ARHGAP10: variants seen among roughly 807,000 people sequenced by gnomAD.
ARHGAP10 encodes Rho GTPase activating protein 10, also known as rho GTPase-activating protein 10.
ARHGAP10 carries 87 observed loss-of-function variants against 108.6 expected under a neutral mutation model. The ratio of observed to expected loss-of-function variants is 0.80; its 90% CI spans 0.67 to 0.96. The LOEUF (loss-of-function observed/expected upper bound fraction) is 0.96. Among genes scored for constraint, ARHGAP10 ranks in the 40% least tolerant of loss-of-function variants. The probability of loss-of-function intolerance (pLI) is 0.00; values close to 1 mark genes in which losing one functional copy is unlikely to be tolerated. For synonymous variants in ARHGAP10, 347 were observed against 341.1 expected (o/e 1.02, Z -0.19); for missense variants, 939 against 954.5 (o/e 0.98, Z 0.21).
chr4:147,735,641 A>T (rs567832812), intron 1 of ARHGAP10, among the ~76,000 whole-genome samples: 2 of 152,310 alleles, frequency 1.3e-5, no homozygotes, highest in Non-Finnish European at 1.5e-5. Context: ...GAAGGCTGAC[A>T]TAATAGCAAA....
At chr4:147,994,113 CT>C (rs1326998429) in intron 18 of ARHGAP10, among the ~76,000 whole-genome samples, 1 of 152,180 alleles carries the variant, frequency 6.6e-6, no homozygotes, top group Non-Finnish European at 1.5e-5. Flanking sequence ...TAGAAAGTTC[CT>C]TGTGGTCTTT....
At chr4:147,993,984 A>G (rs1313057190) in intron 18 of ARHGAP10, among the ~76,000 whole-genome samples, 3 of 152,230 alleles carry the variant, frequency 2.0e-5, no homozygotes, top group African/African-American at 4.8e-5. Context: ...TTACAGATCA[A>G]TGCAAGAAAA....
intron 7 of ARHGAP10, among the ~76,000 whole-genome samples, chr4:147,867,813 G>A (rs1382042227): frequency 1.4e-5 from 2 of 138,572 alleles, no homozygotes; most frequent in East Asian, 2.2e-4. Flanking sequence ...GCAGTGATCC[G>A]AGACCGTGCC....
intron 1 of ARHGAP10, among the ~76,000 whole-genome samples, chr4:147,798,464 A>G (rs951701860): frequency 1.3e-5 from 2 of 152,108 alleles, no homozygotes; most frequent in Non-Finnish European, 2.9e-5. Flanking sequence ...TAATCCCTGC[A>G]CTTTGGGCAG....
intron 1 of ARHGAP10, among the ~76,000 whole-genome samples, chr4:147,758,901 C>T (rs1579008299): frequency 6.6e-6 from 1 of 150,400 alleles, no homozygotes; most frequent in South Asian, 2.1e-4. Flanking sequence ...ATTCCTTGTT[C>T]CTGGGAGGAG....
chr4:147,890,405 T>C (rs918560615), intron 10 of ARHGAP10, among the ~76,000 whole-genome samples: 3 of 152,204 alleles, frequency 2.0e-5, no homozygotes, highest in African/African-American at 7.2e-5. Flanking sequence ...ACCACAGATT[T>C]GAAAATAATG....
chr4:148,043,433 G>A (rs1728717486), intron 19 of ARHGAP10, among the ~76,000 whole-genome samples: 1 of 151,544 alleles, frequency 6.6e-6, no homozygotes, highest in South Asian at 2.1e-4. Context: ...GAAAAATAAT[G>A]AGTGTATCTG....
In ARHGAP10 at chr4:148,072,196, G is replaced by T; in HGVS notation, c.*115G>T. On this transcript the variant is annotated 3_prime_UTR_variant, in exon 23 of 23. Coordinates refer to ENST00000336498, the MANE Select transcript of ARHGAP10 (RefSeq NM_024605.4). The stretch of plus-strand genomic sequence containing the variant: ...CACCCACAGGTACCTCCACACTTGG[G>T]AGTTACCATCATCACAGTCAGCCCT... 4 of 658,496 alleles carry T rather than the reference G, an allele frequency of 6.1e-6. No individual in the cohort carries two copies. Among genetic ancestry groups the T allele is most frequent in the South Asian group, 1.9e-5 (1 of 53,342 alleles). 40.8% of individuals were successfully genotyped at this position (658,496 alleles called of 1,614,324 possible).
rs576665225 is a variant in ARHGAP10, at chr4:147,886,226, C to T, written c.1034+4294C>T. The stretch of plus-strand genomic sequence containing the variant: ...GCATTTTGGATAAAGGATACTCAAC[C>T]GGTGCATTGCCAATTCTGCTCTTTT... On this transcript the variant is annotated intron_variant, in intron 10 of 22. Transcript: ENST00000336498. Among the ~76,000 whole-genome samples the T allele has an allele frequency of 1.6e-4, 24 of 152,306 alleles. 1 individual carries two copies. Among genetic ancestry groups the T allele is most frequent in the African/African-American group, 4.3e-4 (18 of 41,568 alleles).
At chr4:147,827,864 G>A (rs1481583045) in intron 3 of ARHGAP10, among the ~76,000 whole-genome samples, 1 of 152,076 alleles carries the variant, frequency 6.6e-6, no homozygotes, top group Non-Finnish European at 1.5e-5. Context: ...TGAGTGCAGT[G>A]GTGCAATCTC....
rs867037436 is a variant in ARHGAP10, at chr4:147,867,645, C to G, written c.702+829C>G. 3.3e-5 allele frequency among the ~76,000 whole-genome samples: 5 copies of G among 152,090 alleles called. No individual in the cohort carries two copies. The East Asian group carries it at 9.7e-4, about 29-fold the overall frequency. On this transcript the variant is annotated intron_variant, in intron 7 of 22. Coordinates refer to ENST00000336498, the MANE Select transcript of ARHGAP10 (RefSeq NM_024605.4). ...CTTTGGGAGGCCTAGGCGGGCAGAT[C>G]GCGAGGTCAAGAGATTGAGACCATG... is the stretch of plus-strand genomic sequence containing the variant.
chr4:147,878,055 C>T (rs748018178), intron 8 of ARHGAP10, among the ~76,000 whole-genome samples: 3 of 151,106 alleles, frequency 2.0e-5, no homozygotes, highest in Non-Finnish European at 4.4e-5. Context: ...TTCTGCCGCA[C>T]CCTCCCCAGT....
intron 13 of ARHGAP10, chr4:147,916,881 G>A (rs1381301082): frequency 5.3e-5 from 8 of 152,166 alleles, no homozygotes; most frequent in Non-Finnish European, 1.2e-4. Flanking sequence ...ATAATTAACA[G>A]ATTGTTAGCA....
At chr4:147,905,157 G>A (rs890620357) in intron 10 of ARHGAP10, among the ~76,000 whole-genome samples, 17 of 152,102 alleles carry the variant, frequency 1.1e-4, no homozygotes, top group African/African-American at 3.4e-4. Flanking sequence ...AGTAGGTTGC[G>A]AAAATTTTCT....
intron 13 of ARHGAP10, among the ~76,000 whole-genome samples, chr4:147,936,495 A>G (rs1214406628): frequency 1.3e-5 from 2 of 150,232 alleles, no homozygotes; most frequent in African/African-American, 4.9e-5. Context: ...TGCCCGGCTA[A>G]TTTTTTTGTA....
At chr4:147,999,174 G>A (rs546699417) in intron 18 of ARHGAP10, among the ~76,000 whole-genome samples, 246 of 152,298 alleles carry the variant, frequency 1.6e-3, no homozygotes, top group African/African-American at 5.2e-3. Context: ...GCTCACACCT[G>A]ACCAATCAGG....
chr4:147,994,153 T>C (rs1740384374), intron 18 of ARHGAP10, among the ~76,000 whole-genome samples: 1 of 152,196 alleles, frequency 6.6e-6, no homozygotes, highest in Admixed American at 6.5e-5. Context: ...CAAGGCTGTA[T>C]TTTTTTCCTT....
chr4:147,827,586 A>G (rs747042098), intron 3 of ARHGAP10, among the ~76,000 whole-genome samples: 2 of 152,144 alleles, frequency 1.3e-5, no homozygotes, highest in African/African-American at 4.8e-5. Flanking sequence ...CACCGGGACA[A>G]GGAGAAAAGG....
At chr4:147,868,855 C>T (rs1161468067) in intron 7 of ARHGAP10, among the ~76,000 whole-genome samples, 1 of 152,140 alleles carries the variant, frequency 6.6e-6, no homozygotes, top group Non-Finnish European at 1.5e-5. Flanking sequence ...GACTCAGGCT[C>T]ACCTGCCGCT....
Sources: gnomAD v4.1 joint callset for allele counts (sites outside exome capture counted in the v4.1 genomes callset) on GRCh38, gnomAD v4.1.1 for gene constraint, MANE v1.5 for transcripts, NCBI Gene and HGNC (gene_info 2026-07-23, HGNC 2026-07-21) for gene names.